Variants in RAPGEF6 observed in about 807,000 individuals in gnomAD.
The protein encoded by RAPGEF6 is PDZ domain containing guanine nucleotide exchange factor (GEF) 2.
RAPGEF6 carries 56 observed loss-of-function variants against 171.4 expected under a neutral mutation model. The observed-to-expected ratio is 0.33, with a 90% CI of 0.26 to 0.41. RAPGEF6 has a LOEUF of 0.41. Among genes scored for constraint, RAPGEF6 ranks in the 10% least tolerant of loss-of-function variants. The probability of loss-of-function intolerance (pLI) is 1.00; values close to 1 mark genes in which losing one functional copy is unlikely to be tolerated. For missense variants in RAPGEF6, 1,674 were observed against 1,921.4 expected (o/e 0.87, Z 2.41); for synonymous variants, 692 against 650.1 (o/e 1.06, Z -0.98).
intron 5 of RAPGEF6, among the ~76,000 whole-genome samples, chr5:131,557,420 C>T (rs759312938): frequency 2.6e-4 from 39 of 152,190 alleles, no homozygotes; most frequent in South Asian, 1.2e-3. Context: ...TATGTATGAA[C>T]GAGTATCCAA....
At chr5:131,468,961 C>T (rs1222871519) in intron 17 of RAPGEF6, among the ~76,000 whole-genome samples, 1 of 152,032 alleles carries the variant, frequency 6.6e-6, no homozygotes, top group South Asian at 2.1e-4. Context: ...CAAATTCTCA[C>T]AAAATAGTTT....
chr5:131,444,730 T>G (rs1752579694), intron 22 of RAPGEF6, among the ~76,000 whole-genome samples: 1 of 152,038 alleles, frequency 6.6e-6, no homozygotes, highest in South Asian at 2.1e-4. Context: ...CTGGGGTGGG[T>G]GTAAGAAGAG....
intron 4 of RAPGEF6, among the ~76,000 whole-genome samples, chr5:131,582,731 G>A (rs1418665160): frequency 1.3e-5 from 2 of 152,130 alleles, no homozygotes; most frequent in Admixed American, 1.3e-4. Context: ...AAGAACTTTT[G>A]AAGCACATAC....
chr5:131,427,780 C>A (rs1191896610), intron 27 of RAPGEF6, among the ~76,000 whole-genome samples: 1 of 152,148 alleles, frequency 6.6e-6, no homozygotes, highest in Non-Finnish European at 1.5e-5. Context: ...ACTAGGCACA[C>A]AGAAATAGGC....
intron 9 of RAPGEF6, among the ~76,000 whole-genome samples, chr5:131,507,096 TTTAC>T (rs1757417533): frequency 6.7e-6 from 1 of 149,088 alleles, no homozygotes; most frequent in South Asian, 2.1e-4. Flanking sequence ...TATATAATAA[TTTAC>T]TTAACCATCG....
chr5:131,605,931 A>G (rs919731307), intron 1 of RAPGEF6, among the ~76,000 whole-genome samples: 7 of 149,160 alleles, frequency 4.7e-5, no homozygotes, highest in African/African-American at 7.5e-5. Flanking sequence ...TCGGGAGGCT[A>G]AGGCAGGAGA....
intron 5 of RAPGEF6, among the ~76,000 whole-genome samples, chr5:131,549,028 C>T (rs1023257850): frequency 2.0e-5 from 3 of 151,856 alleles, no homozygotes; most frequent in Admixed American, 6.6e-5. Flanking sequence ...TGCACAACTG[C>T]ACTCCAGCCT....
At chr5:131,490,388 T>C (rs1756201961) in intron 14 of RAPGEF6, among the ~76,000 whole-genome samples, 1 of 151,744 alleles carries the variant, frequency 6.6e-6, no homozygotes, top group Non-Finnish European at 1.5e-5. Flanking sequence ...TCCATAGAAG[T>C]AAAATTCCCA....
chr5:131,445,819 T>C (rs1003288363), intron 22 of RAPGEF6, among the ~76,000 whole-genome samples: 3 of 152,190 alleles, frequency 2.0e-5, no homozygotes, highest in Non-Finnish European at 4.4e-5. Context: ...TTTCTAGGTG[T>C]GACCCACCAC....
intron 17 of RAPGEF6, among the ~76,000 whole-genome samples, chr5:131,471,363 T>C (rs1316770389): frequency 1.3e-5 from 2 of 152,208 alleles, no homozygotes; most frequent in Non-Finnish European, 2.9e-5. Flanking sequence ...CACTAAACTG[T>C]TATTAGGTTA....
At chr5:131,628,420 A>T (rs1766079981) in intron 1 of RAPGEF6, among the ~76,000 whole-genome samples, 3 of 152,210 alleles carry the variant, frequency 2.0e-5, no homozygotes, top group African/African-American at 7.2e-5. Flanking sequence ...TTTCAATTCT[A>T]AAAAGGTTGA....
intron 1 of RAPGEF6, among the ~76,000 whole-genome samples, chr5:131,624,476 T>C (rs77506075): frequency 0.012 from 1,781 of 152,292 alleles, 29 homozygotes; most frequent in African/African-American, 0.04. Flanking sequence ...GGTAGCTTCA[T>C]AGTCCTCTTG....
intron 23 of RAPGEF6, among the ~76,000 whole-genome samples, chr5:131,441,948 C>T (rs1483719120): frequency 6.6e-6 from 1 of 152,138 alleles, no homozygotes; most frequent in African/African-American, 2.4e-5. Context: ...TTCCCAACCA[C>T]GTTTTCAGAA....
intron 1 of RAPGEF6, among the ~76,000 whole-genome samples, chr5:131,611,386 T>C (rs1391841237): frequency 2.6e-5 from 4 of 152,260 alleles, no homozygotes; most frequent in African/African-American, 4.8e-5. Flanking sequence ...AATGTCATGT[T>C]TGGCTGGGTG....
chr5:131,570,986 C>CCAGG (rs1156959874), intron 4 of RAPGEF6, among the ~76,000 whole-genome samples: 2 of 143,464 alleles, frequency 1.4e-5, no homozygotes, highest in African/African-American at 5.3e-5. Flanking sequence ...GTTCTGTCAT[C>CCAGG]CAGGCTGGAA....
intron 21 of RAPGEF6, among the ~76,000 whole-genome samples, chr5:131,447,924 CTT>C (rs1411919674): frequency 6.6e-6 from 1 of 152,190 alleles, no homozygotes; most frequent in Non-Finnish European, 1.5e-5. Flanking sequence ...GACCTCAAAA[CTT>C]GCAGAATGGC....
intron 5 of RAPGEF6, among the ~76,000 whole-genome samples, chr5:131,553,695 C>CAACT (rs1761054722): frequency 6.6e-6 from 1 of 151,908 alleles, no homozygotes; most frequent in African/African-American, 2.4e-5. Context: ...AGACTCAACA[C>CAACT]AACTGAGTTA....
chr5:131,437,512 TCTGA>T lies in RAPGEF6; in HGVS notation c.3745+2065_3745+2068del, dbSNP rs373329857. 1.8e-4 allele frequency among the ~76,000 whole-genome samples: 28 copies of T among 152,292 alleles called. No homozygotes were observed. In the East Asian group the frequency reaches 5.2e-3, roughly 28 times the overall value. On this transcript the variant is annotated intron_variant, in intron 24 of 27. Transcript: ENST00000509018. ...GGATACTGTTCATTTGGACCATCTG[TCTGA>T]CTGGAGGCACTGCGGCTTATCCTAC...
intron 1 of RAPGEF6, among the ~76,000 whole-genome samples, chr5:131,625,397 C>G (rs139602517): frequency 6.6e-6 from 1 of 152,270 alleles, no homozygotes; most frequent in Non-Finnish European, 1.5e-5. Context: ...ATCTTTCCAA[C>G]CAGTGACCAG....
Sources: gnomAD v4.1 joint callset for allele counts (sites outside exome capture counted in the v4.1 genomes callset) on GRCh38, gnomAD v4.1.1 for gene constraint, MANE v1.5 for transcripts, NCBI Gene and HGNC (gene_info 2026-07-23, HGNC 2026-07-21) for gene names.